The following MAGI1 variants were observed in gnomAD, a reference collection of about 807,000 sequenced individuals.
MAGI1 encodes the protein membrane associated guanylate kinase, WW and PDZ domain containing 1.
A neutral mutation model predicts 139.9 loss-of-function variants in MAGI1; 58 were observed. That is an observed-to-expected ratio of 0.41 (90% CI 0.34 to 0.52). The LOEUF (loss-of-function observed/expected upper bound fraction) is 0.52. MAGI1 is among the 20% of genes least tolerant of loss of function. The probability of loss-of-function intolerance (pLI) is 0.12; values close to 1 mark genes in which losing one functional copy is unlikely to be tolerated. For missense variants in MAGI1, 1,874 were observed against 1,901.6 expected (o/e 0.99, Z 0.27); for synonymous variants, 812 against 737.9 (o/e 1.10, Z -1.63).
intron 1 of MAGI1, among the ~76,000 whole-genome samples, chr3:65,736,343 AT>A (rs2034727439): frequency 6.6e-6 from 1 of 152,148 alleles, no homozygotes; most frequent in Non-Finnish European, 1.5e-5. Flanking sequence ...TGCTATTTGT[AT>A]TAGTCAGGGC....
In MAGI1 at chr3:65,383,731, G is replaced by T. The variant is rs1943236890; in HGVS notation, c.2417-108C>A. The T allele has an allele frequency of 4.3e-5, 32 of 746,500 alleles. No homozygotes were observed. The South Asian group carries it at 4.7e-4, about 11-fold the overall frequency. 46.2% of individuals were successfully genotyped at this position (746,500 alleles called of 1,614,324 possible). A position where few individuals can be genotyped will look rare whatever the true frequency, so the allele number is the denominator to read the frequency against. On this transcript the variant is annotated intron_variant, in intron 14 of 22. Coordinates refer to ENST00000402939, the MANE Select transcript of MAGI1 (RefSeq NM_001033057.2). ...AAGAATGGTGGTGCTTGATCAGATGGAAGATTTTCAATATAGGCAAAGAAA... is the reference window on the plus strand; with the variant it reads ...AAGAATGGTGGTGCTTGATCAGATGTAAGATTTTCAATATAGGCAAAGAAA...
intron 1 of MAGI1, among the ~76,000 whole-genome samples, chr3:65,827,172 T>C (rs1049262191): frequency 9.2e-5 from 14 of 152,224 alleles, no homozygotes; most frequent in Admixed American, 7.2e-4. Flanking sequence ...TTCACAACTA[T>C]CTGGGTAGCT....
chr3:65,621,917 T>TCACACACACACACACA (rs56026417), intron 2 of MAGI1, 55 bp downstream of exon 2: 10,961 of 985,776 alleles, frequency 0.011, 59 homozygotes, highest in Middle Eastern at 0.035. Context: ...CCTGGACTTT[T>TCACACACACACACACA]CACACACACA....
At chr3:65,474,600 T>G (rs1950750325) in intron 4 of MAGI1, among the ~76,000 whole-genome samples, 2 of 140,918 alleles carry the variant, frequency 1.4e-5, no homozygotes, top group African/African-American at 5.2e-5. Context: ...ATCAGAAGCT[T>G]CCAAGCTTTT....
At chr3:65,503,311 T>C (rs189352271) in intron 2 of MAGI1, among the ~76,000 whole-genome samples, 2 of 152,310 alleles carry the variant, frequency 1.3e-5, no homozygotes, top group Admixed American at 1.3e-4. Context: ...GTTGTTGAGT[T>C]ATTTAACACT....
At chr3:65,990,721 G>A (rs2066127342) in intron 1 of MAGI1, among the ~76,000 whole-genome samples, 1 of 152,192 alleles carries the variant, frequency 6.6e-6, no homozygotes, top group South Asian at 2.1e-4. Flanking sequence ...CCATTGTGCA[G>A]AAGAACTTAG....
At chr3:65,644,282 C>T (rs2085138018) in intron 1 of MAGI1, among the ~76,000 whole-genome samples, 1 of 151,950 alleles carries the variant, frequency 6.6e-6, no homozygotes, top group African/African-American at 2.4e-5. Flanking sequence ...AAAAACTCAA[C>T]CTGAATGAAA....
intron 1 of MAGI1, among the ~76,000 whole-genome samples, chr3:66,021,202 T>C (rs1251478629): frequency 1.3e-5 from 2 of 152,212 alleles, no homozygotes; most frequent in Non-Finnish European, 2.9e-5. Context: ...CTCAGCCACA[T>C]TACAGGTACA....
chr3:65,617,016 G>T (rs2083411751), intron 2 of MAGI1, among the ~76,000 whole-genome samples: 1 of 152,152 alleles, frequency 6.6e-6, no homozygotes, highest in Non-Finnish European at 1.5e-5. Flanking sequence ...AAAATAATAG[G>T]CAATGATAGC....
chr3:65,918,379 ATT>A (rs34906725), intron 1 of MAGI1, among the ~76,000 whole-genome samples: 15 of 128,664 alleles, frequency 1.2e-4, no homozygotes, highest in East Asian at 2.3e-4. Flanking sequence ...GCTCCAAAAC[ATT>A]TTTTTTTTTT....
intron 2 of MAGI1, among the ~76,000 whole-genome samples, chr3:65,608,855 A>C (rs1424128596): frequency 3.3e-5 from 5 of 152,240 alleles, no homozygotes; most frequent in African/African-American, 1.2e-4. Flanking sequence ...AATCAACAGA[A>C]GAATGGGTAA....
At chr3:65,908,579 C>G (rs561694215) in intron 1 of MAGI1, among the ~76,000 whole-genome samples, 1 of 152,336 alleles carries the variant, frequency 6.6e-6, no homozygotes, top group African/African-American at 2.4e-5. Flanking sequence ...CCACTGCACC[C>G]GGCCAATCCT....
At chr3:65,644,991 C>A (rs2085179518) in intron 1 of MAGI1, among the ~76,000 whole-genome samples, 1 of 140,750 alleles carries the variant, frequency 7.1e-6, no homozygotes, top group African/African-American at 2.7e-5. Flanking sequence ...AGTAAGACTC[C>A]ATCTCAAAAA....
intron 1 of MAGI1, among the ~76,000 whole-genome samples, chr3:66,002,070 G>A (rs570561898): frequency 1.3e-5 from 2 of 152,232 alleles, no homozygotes; most frequent in East Asian, 3.9e-4. Flanking sequence ...TTCATAGATT[G>A]AGTCTCATAA....
chr3:65,376,921 G>T lies in MAGI1; in HGVS notation c.2996-976C>A, dbSNP rs567160712. ...TGCTAACTTCTAGAGAGAGGTGGCT[G>T]GCTTTGAGGCCTGACATAGGATTTC... On this transcript the variant is annotated intron_variant, in intron 17 of 22. Transcript: ENST00000402939. 5.9e-5 allele frequency among the ~76,000 whole-genome samples: 9 copies of T among 152,304 alleles called. No homozygotes were observed. The South Asian group carries it at 1.9e-3, about 32-fold the overall frequency.
rs997923890 is a variant in MAGI1, at chr3:66,027,261, G to A, written c.313+10735C>T. Among the ~76,000 whole-genome samples, 55 of 139,304 alleles carry A rather than the reference G, an allele frequency of 3.9e-4. 1 individual carries two copies. The highest frequency in any genetic ancestry group is 1.4e-3 in the African/African-American group (50 of 36,442). The allele number at this position is 139,304 out of a possible 152,430, so 91.4% of individuals were successfully genotyped here. On this transcript the variant is annotated intron_variant, in intron 1 of 22. Coordinates refer to ENST00000402939, the MANE Select transcript of MAGI1 (RefSeq NM_001033057.2). ...CCAAGCTGGGTGACAATGAGACTCC[G>A]TCTCAAATAAATAAATAAATAAATA...
intron 13 of MAGI1, among the ~76,000 whole-genome samples, chr3:65,395,713 G>A (rs1575601208): frequency 6.7e-6 from 1 of 149,828 alleles, no homozygotes; most frequent in East Asian, 2.0e-4. Context: ...GACACAGCAA[G>A]GGAGGGTGGC....
chr3:65,755,137 A>G (rs2036463163), intron 1 of MAGI1, among the ~76,000 whole-genome samples: 1 of 151,902 alleles, frequency 6.6e-6, no homozygotes, highest in South Asian at 2.1e-4. Flanking sequence ...TAGTAGAGAT[A>G]GGGTTTTACC....
chr3:65,420,937 A>T (rs1401688148), intron 12 of MAGI1, among the ~76,000 whole-genome samples: 2 of 152,226 alleles, frequency 1.3e-5, no homozygotes, highest in African/African-American at 2.4e-5. Flanking sequence ...ATAAAACTCA[A>T]ATCATCCAAT....
Sources: allele counts gnomAD v4.1 joint callset (sites outside exome capture counted in the v4.1 genomes callset), GRCh38; gene constraint gnomAD v4.1.1; transcripts MANE v1.5; gene names NCBI Gene and HGNC (gene_info 2026-07-23, HGNC 2026-07-21).